Variants in FSTL5 observed in about 807,000 individuals in gnomAD.
FSTL5 encodes the protein follistatin like 5, also known as follistatin-related protein 5.
In FSTL5, 62 loss-of-function variants were observed where a neutral mutation model predicts 89.1. The observed-to-expected ratio is 0.70, with a 90% CI of 0.57 to 0.86. The LOEUF is 0.86. FSTL5 is among the 40% of genes least tolerant of loss of function. FSTL5 has a pLI of 0.00. For missense variants in FSTL5, 1,057 were observed against 1,001.6 expected (o/e 1.06, Z -0.75); for synonymous variants, 383 against 346.2 (o/e 1.11, Z -1.18).
At chr4:162,006,106 A>T (rs1384800) in intron 3 of FSTL5, among the ~76,000 whole-genome samples, 66,895 of 150,776 alleles carry the variant, frequency 0.44, 14,918 homozygotes, top group Middle Eastern at 0.56. Context: ...CTTTTTTTTT[A>T]AAATATTATA....
At chr4:162,151,670 C>T (rs1733230489) in intron 1 of FSTL5, among the ~76,000 whole-genome samples, 1 of 152,130 alleles carries the variant, frequency 6.6e-6, no homozygotes, top group Non-Finnish European at 1.5e-5. Context: ...CTGAGTATCA[C>T]ACAGCAGGGT....
At chr4:161,847,041 T>A (rs1245266683) in intron 4 of FSTL5, among the ~76,000 whole-genome samples, 1 of 152,158 alleles carries the variant, frequency 6.6e-6, no homozygotes, top group Non-Finnish European at 1.5e-5. Context: ...CATGGTAGTA[T>A]TATAGAATTG....
At chr4:161,760,188 A>T (rs899174717) in intron 5 of FSTL5, among the ~76,000 whole-genome samples, 11 of 152,212 alleles carry the variant, frequency 7.2e-5, no homozygotes, top group African/African-American at 2.7e-4. Flanking sequence ...TCAAACTTCT[A>T]TTCTAGTCTG....
chr4:161,556,424 A>C (rs897098286), intron 8 of FSTL5, among the ~76,000 whole-genome samples: 1 of 151,606 alleles, frequency 6.6e-6, no homozygotes, highest in East Asian at 1.9e-4. Context: ...ACAACATGTA[A>C]GACTATAAAA....
At chr4:161,809,908 GA>G (rs1057462213) in intron 4 of FSTL5, among the ~76,000 whole-genome samples, 3 of 152,246 alleles carry the variant, frequency 2.0e-5, no homozygotes, top group Admixed American at 1.3e-4. Context: ...GATGAGGCGT[GA>G]TGATAGCCAC....
chr4:161,883,372 G>A (rs575652901), intron 4 of FSTL5, among the ~76,000 whole-genome samples: 6 of 152,240 alleles, frequency 3.9e-5, no homozygotes, highest in African/African-American at 1.4e-4. Context: ...GATGTATGTT[G>A]TTATAATAAC....
At chr4:161,758,064 T>C (rs903881272) in intron 6 of FSTL5, among the ~76,000 whole-genome samples, 2 of 152,238 alleles carry the variant, frequency 1.3e-5, no homozygotes, top group African/African-American at 4.8e-5. Context: ...CCAAAGAGCG[T>C]ATTTTTATCG....
chr4:162,115,800 A>G (rs1385310684), intron 1 of FSTL5, among the ~76,000 whole-genome samples: 6 of 152,284 alleles, frequency 3.9e-5, no homozygotes, highest in Middle Eastern at 3.4e-3. Flanking sequence ...TTTTCTCCGC[A>G]TGGCAAAACA....
intron 4 of FSTL5, among the ~76,000 whole-genome samples, chr4:161,810,165 G>A (rs1730093451): frequency 6.6e-6 from 1 of 151,866 alleles, no homozygotes; most frequent in Non-Finnish European, 1.5e-5. Flanking sequence ...ATGAGTAATT[G>A]CAAAAAAACT....
chr4:162,039,147 A>C (rs1043115753), intron 2 of FSTL5, among the ~76,000 whole-genome samples: 3 of 151,776 alleles, frequency 2.0e-5, no homozygotes, highest in Non-Finnish European at 4.4e-5. Flanking sequence ...AAAGAGTTAA[A>C]CTGATGCTCT....
intron 4 of FSTL5, among the ~76,000 whole-genome samples, chr4:161,804,226 A>T (rs1371594551): frequency 6.6e-6 from 1 of 151,968 alleles, no homozygotes; most frequent in Non-Finnish European, 1.5e-5. Flanking sequence ...CACTCAGATA[A>T]TACAGGGTAA....
intron 2 of FSTL5, among the ~76,000 whole-genome samples, chr4:162,105,817 C>T (rs776434405): frequency 6.6e-6 from 1 of 152,128 alleles, no homozygotes; most frequent in Non-Finnish European, 1.5e-5. Context: ...CTGACCTCTG[C>T]AAAATACATT....
chr4:161,961,425 T>C (rs1302535377), intron 3 of FSTL5, among the ~76,000 whole-genome samples: 4 of 152,072 alleles, frequency 2.6e-5, no homozygotes, highest in African/African-American at 7.2e-5. Flanking sequence ...CTTAAAATGT[T>C]AAATATCACT....
rs181980589 is a variant in FSTL5 at position 161,409,726 on chromosome 4, A to T, written c.1842-23277T>A. Among the ~76,000 whole-genome samples, 361 of 152,280 alleles carry T rather than the reference A, an allele frequency of 2.4e-3. 2 individuals are homozygous for T. The highest frequency in any genetic ancestry group is 1.7e-3 in the Non-Finnish European group (119 of 68,028). On this transcript the variant is annotated intron_variant, in intron 15 of 15. Coordinates refer to ENST00000306100, the MANE Select transcript of FSTL5 (RefSeq NM_020116.5). ...CATCTTTACAAAAGGTCCTTAGGGG[A>T]GTGCTAAACATGGATTCAAAAGAAC...
At chr4:161,729,573 T>C (rs1739537970) in intron 6 of FSTL5, among the ~76,000 whole-genome samples, 1 of 152,154 alleles carries the variant, frequency 6.6e-6, no homozygotes, top group Non-Finnish European at 1.5e-5. Context: ...TTTTTATTCT[T>C]TTCAGTGGGT....
intron 4 of FSTL5, among the ~76,000 whole-genome samples, chr4:161,794,605 G>A (rs1294435459): frequency 6.6e-6 from 1 of 152,060 alleles, no homozygotes; most frequent in Non-Finnish European, 1.5e-5. Flanking sequence ...CTCCATTTGG[G>A]CTCAGAGGGC....
At chr4:162,125,487 T>C (rs894614761) in intron 1 of FSTL5, among the ~76,000 whole-genome samples, 6 of 152,170 alleles carry the variant, frequency 3.9e-5, no homozygotes, top group African/African-American at 1.4e-4. Flanking sequence ...TGGTTAGATG[T>C]GGGATTTACC....
intron 12 of FSTL5, among the ~76,000 whole-genome samples, chr4:161,483,332 C>A (rs1729583026): frequency 6.6e-6 from 1 of 152,226 alleles, no homozygotes; most frequent in Admixed American, 6.5e-5. Context: ...AAATTGTTTA[C>A]AAATTCTTCG....
intron 6 of FSTL5, among the ~76,000 whole-genome samples, chr4:161,674,323 G>A (rs1428914609): frequency 6.7e-6 from 1 of 149,976 alleles, no homozygotes; most frequent in Non-Finnish European, 1.5e-5. Context: ...ATAGAAATGA[G>A]GGGGAAAAAA....
Sources: gnomAD v4.1 joint callset for allele counts (sites outside exome capture counted in the v4.1 genomes callset) on GRCh38, gnomAD v4.1.1 for gene constraint, MANE v1.5 for transcripts, NCBI Gene and HGNC (gene_info 2026-07-23, HGNC 2026-07-21) for gene names.